The following FN1 variants were observed in gnomAD, a reference collection of about 807,000 sequenced individuals.
FN1 encodes the protein fibronectin.
FN1 carries 106 observed loss-of-function variants against 297.3 expected under a neutral mutation model. That is an observed-to-expected ratio of 0.36 (90% CI 0.30 to 0.42). The LOEUF is 0.42. Ranked by LOEUF, FN1 falls within the 10% of genes least tolerant of loss-of-function variation. The pLI, the probability that FN1 is intolerant of heterozygous loss-of-function variation, is 1.00. For missense variants in FN1, 2,690 were observed against 3,124.9 expected (o/e 0.86, Z 3.32); for synonymous variants, 1,149 against 1,152.6 (o/e 1.00, Z 0.06).
chr2:215,435,513 T>G, intron 1 of FN1, 142 bp downstream of exon 1: 2 of 1,252,034 alleles, frequency 1.6e-6, no homozygotes. Flanking sequence ...ACTCGGTCCT[T>G]TTGTGTGCAC....
In FN1 at chr2:215,433,397, A is replaced by G. The variant is rs745448770; in HGVS notation, c.342T>C (p.Arg114=). Residue 114 remains arginine (R), a synonymous_variant, in exon 3 of 46, where the codon CGT becomes CGC. Transcript: ENST00000354785. ...AGTCCCAGATCATGGAGTCTTTAGG[A>G]CGCTCATAAGTGTCACCCACTCGGT... ...NTYRVGDTYE[R]PKDSMIWDCT... The G allele has an allele frequency of 6.2e-7, 1 of 1,614,148 alleles. No homozygotes were observed. Among genetic ancestry groups the G allele is most frequent in the African/African-American group, 1.3e-5 (1 of 75,048 alleles).
chr2:215,400,597 T>C (rs1486400098), intron 20 of FN1, among the ~76,000 whole-genome samples: 7 of 151,404 alleles, frequency 4.6e-5, no homozygotes, highest in East Asian at 4.0e-4. Context: ...GCTAAAAATA[T>C]AAAAATTAGC....
intron 28 of FN1, 45 bp from the exon 29 acceptor site, chr2:215,385,021 A>G: frequency 7.8e-7 from 1 of 1,280,756 alleles, no homozygotes; most frequent in South Asian, 1.2e-5. Flanking sequence ...TTTTCAAACA[A>G]TATTCAGATT....
intron 28 of FN1, among the ~76,000 whole-genome samples, chr2:215,386,367 C>T (rs535085544): frequency 6.6e-6 from 1 of 152,068 alleles, no homozygotes; most frequent in South Asian, 2.1e-4. Flanking sequence ...GTGAGCCACC[C>T]CGTCCGGCCA....
rs1281779326 is a variant in FN1 at position 215,376,575 on chromosome 2, A to G, written c.5810T>C (p.Val1937Ala). 6 of 1,613,976 alleles carry G rather than the reference A, an allele frequency of 3.7e-6. No individual in the cohort carries two copies. The South Asian group carries it at 4.4e-5, about 12-fold the overall frequency. ...TKTETITGFQ[V>A]DAVPANGQTP... Reference sequence around the variant, plus strand: ...CTGGCCATTGGCTGGAACGGCATCAACTTGGAAGCCAGTGATCGTCTCAGT... The same window carrying G: ...CTGGCCATTGGCTGGAACGGCATCAGCTTGGAAGCCAGTGATCGTCTCAGT... Residue 1937 changes from valine to alanine, a missense_variant, in exon 36 of 46, where the codon GTT becomes GCT. By Grantham distance (64) the Val-to-Ala change is moderately conservative. Coordinates refer to ENST00000354785, the MANE Select transcript of FN1 (RefSeq NM_212482.4).
chr2:215,410,017 T>C lies in FN1; in HGVS notation c.2039A>G (p.Gln680Arg). The change falls in exon 14 of 46, where the codon CAG (glutamine) becomes CGG (arginine). Residue 680 changes from glutamine (Q) to arginine (R), a missense_variant. Physicochemically the swap from Gln to Arg is conservative, Grantham distance 43. Coordinates refer to ENST00000354785, the MANE Select transcript of FN1 (RefSeq NM_212482.4). ...GLKPGVVYEG[Q>R]LISIQQYGHQ... ...GCCGTACTGCTGGATGCTGATGAGCTGGCCCTCGTATACCACACCAGGCTT... is the reference window on the plus strand; with the variant it reads ...GCCGTACTGCTGGATGCTGATGAGCCGGCCCTCGTATACCACACCAGGCTT... 6.2e-7 allele frequency: 1 copy of C among 1,614,052 alleles called. No individual in the cohort carries two copies. Among genetic ancestry groups the C allele is most frequent in the East Asian group, 2.2e-5 (1 of 44,866 alleles).
intron 33 of FN1, 163 bp from the exon 34 acceptor site, chr2:215,379,480 A>T: frequency 4.8e-6 from 3 of 629,130 alleles, no homozygotes; most frequent in Non-Finnish European, 2.9e-6. Context: ...AAGGGATGCA[A>T]AATGAAGAAA....
intron 44 of FN1, among the ~76,000 whole-genome samples, chr2:215,363,985 T>C (rs1327203098): frequency 1.3e-5 from 2 of 152,178 alleles, no homozygotes; most frequent in African/African-American, 2.4e-5. Context: ...CTCCTTTCTA[T>C]CCCAGGGGGT....
chr2:215,411,125 G>T (rs1406356825), intron 13 of FN1, among the ~76,000 whole-genome samples: 4 of 152,114 alleles, frequency 2.6e-5, no homozygotes, highest in Admixed American at 6.6e-5. Flanking sequence ...CAAGACTACA[G>T]AAAAAATGCA....
chr2:215,365,291 T>C (rs2054304434), intron 43 of FN1, among the ~76,000 whole-genome samples: 1 of 152,140 alleles, frequency 6.6e-6, no homozygotes, highest in South Asian at 2.1e-4. Flanking sequence ...AATACTCAGG[T>C]TGGACAAGTG....
At chr2:215,418,642 C>G (rs369085686) in intron 12 of FN1, among the ~76,000 whole-genome samples, 5 of 152,232 alleles carry the variant, frequency 3.3e-5, no homozygotes, top group African/African-American at 1.2e-4. Context: ...ACACCTACAG[C>G]TAGGCATGAT....
intron 39 of FN1, among the ~76,000 whole-genome samples, chr2:215,372,783 C>T (rs2106256339): frequency 6.6e-6 from 1 of 152,236 alleles, no homozygotes; most frequent in African/African-American, 2.4e-5. Context: ...ATGAGAATTA[C>T]AGAGGTTTGG....
rs1426588769 is a variant in FN1, at chr2:215,361,575, T to C, written c.7414A>G (p.Arg2472Gly). The change falls in exon 46 of 46, where the codon AGA becomes GGA. Residue 2472 changes from arginine (R) to glycine (G), a missense_variant. Physicochemically the swap from Arg to Gly is moderately radical, Grantham distance 125. This residue lies in a region of FN1 where 1,743 missense variants were observed against 1,945.2 expected (regional missense o/e 0.90). Transcript: ENST00000354785. ...CFMPLDVQAD[R>G]EDSRE ...ATGATTTACTCTCGGGAATCTTCTCTGTCAGCCTGTACATCTAAAGGCATG... is the reference window on the plus strand; with the variant it reads ...ATGATTTACTCTCGGGAATCTTCTCCGTCAGCCTGTACATCTAAAGGCATG... 2 of 1,610,996 alleles carry C rather than the reference T, an allele frequency of 1.2e-6. No homozygotes were observed. The highest frequency in any genetic ancestry group is 1.1e-5 in the South Asian group (1 of 91,014).
At chr2:215,368,053 A>T (rs2106185132) in intron 41 of FN1, 26 bp from the exon 42 acceptor site, 1 of 1,612,704 alleles carries the variant, frequency 6.2e-7, no homozygotes, top group South Asian at 1.1e-5. Context: ...AGAAAAAGCA[A>T]AAAGAGACAT....
chr2:215,423,330 C>A lies in FN1; in HGVS notation c.1393+20G>T, dbSNP rs1362159872. On this transcript the variant is annotated intron_variant, in intron 9 of 45. Transcript: ENST00000354785. ...CTAAATTGTTGTCAAACAAGACAACCCACAAGGGCTTCATCTTACCAGCCA... is the reference window on the plus strand; with the variant it reads ...CTAAATTGTTGTCAAACAAGACAACACACAAGGGCTTCATCTTACCAGCCA... 2 of 1,612,986 alleles carry A rather than the reference C, an allele frequency of 1.2e-6. No individual in the cohort carries two copies. The highest frequency in any genetic ancestry group is 1.1e-5 in the South Asian group (1 of 91,024).
In FN1 at chr2:215,383,452, G is replaced by C; in HGVS notation, c.4926C>G (p.Thr1642=). The change falls in exon 31 of 46, where the codon ACC becomes ACG. Residue 1642 remains threonine (T), a synonymous_variant. Coordinates refer to ENST00000354785, the MANE Select transcript of FN1 (RefSeq NM_212482.4). ...CACTAATGCTGTTGTCCTGAACATC[G>C]GTCACTTGCATCTGGGATGGTTTGT... ...EIDKPSQMQV[T]DVQDNSISVK... 6.2e-7 allele frequency: 1 copy of C among 1,614,046 alleles called. No homozygotes were observed. Among genetic ancestry groups the C allele is most frequent in the Non-Finnish European group, 8.5e-7 (1 of 1,180,000 alleles).
At position 215,408,183 on chromosome 2, in the gene FN1, G is replaced by A. The variant is rs762312406; in HGVS notation, c.2443C>T (p.Pro815Ser). ...TSQTTAPDAPPDTTVDQVDDT... is the reference protein window; with the variant it reads ...TSQTTAPDAPSDTTVDQVDDT... ...TCAACTTGGTCCACAGTCGTGTCAG[G>A]AGGGGCATCAGGCGCTAAGAAAGAA... is the stretch of plus-strand genomic sequence containing the variant. Residue 815 changes from proline (P) to serine (S), a missense_variant, in exon 17 of 46, where the codon CCT (proline) becomes TCT (serine). Pro to Ser is a moderately conservative substitution (Grantham distance 74). Transcript: ENST00000354785. 22 of 1,613,920 alleles carry A rather than the reference G, an allele frequency of 1.4e-5. No homozygotes were observed. Among genetic ancestry groups the A allele is most frequent in the Middle Eastern group, 1.6e-4 (1 of 6,084 alleles).
chr2:215,405,530 G>A (rs944479545), intron 19 of FN1, among the ~76,000 whole-genome samples: 2 of 152,110 alleles, frequency 1.3e-5, no homozygotes, highest in Non-Finnish European at 2.9e-5. Flanking sequence ...GATCACTTGA[G>A]GTCAGGAGTT....
intron 38 of FN1, among the ~76,000 whole-genome samples, chr2:215,374,314 G>A (rs1382720766): frequency 6.6e-6 from 1 of 152,122 alleles, no homozygotes; most frequent in South Asian, 2.1e-4. Flanking sequence ...TATGTTCTGT[G>A]GGAATTTTAA....
Sources: gnomAD v4.1 joint callset for allele counts (sites outside exome capture counted in the v4.1 genomes callset) on GRCh38, gnomAD v4.1.1 for gene constraint, gnomAD v4.1.1 regional missense constraint, MANE v1.5 for transcripts, NCBI Gene and HGNC (gene_info 2026-07-23, HGNC 2026-07-21) for gene names.